The following UBE4B variants were observed in gnomAD, a reference collection of about 807,000 sequenced individuals.
The protein encoded by UBE4B is ubiquitin conjugation factor E4 B.
Under a neutral mutation model 148.1 loss-of-function variants are expected in UBE4B, and 27 were observed. That is an observed-to-expected ratio of 0.18 (90% CI 0.13 to 0.25). UBE4B has a LOEUF of 0.25. UBE4B is among the 10% of genes least tolerant of loss of function. The probability of loss-of-function intolerance (pLI) is 1.00; values close to 1 mark genes in which losing one functional copy is unlikely to be tolerated. For synonymous variants in UBE4B, 596 were observed against 619.3 expected, an observed-to-expected ratio of 0.96 and a Z score of 0.56; for missense variants, 1,170 against 1,662.4, an observed-to-expected ratio of 0.70 and a Z score of 5.15.
chr1:10,126,872 C>G lies in UBE4B; in HGVS notation c.1633C>G (p.Leu545Val). 6.2e-7 allele frequency: 1 copy of G among 1,613,410 alleles called. No individual in the cohort carries two copies. The highest frequency in any genetic ancestry group is 8.5e-7 in the Non-Finnish European group (1 of 1,179,362). The change falls in exon 11 of 28, where the codon CTC (leucine) becomes GTC (valine). Residue 545 changes from leucine (L) to valine (V), a missense_variant. Transcript: ENST00000343090. ...SLDSDYFKYP[L>V]MALGELCETK... ...CGACAGTGACTACTTTAAATACCCCCTCATGGTAAAACTTTGTTCTTTTTC... is the reference window on the plus strand; with the variant it reads ...CGACAGTGACTACTTTAAATACCCCGTCATGGTAAAACTTTGTTCTTTTTC...
At chr1:10,116,182 G>C (rs564024299) in intron 7 of UBE4B, among the ~76,000 whole-genome samples, 1 of 151,862 alleles carries the variant, frequency 6.6e-6, no homozygotes, top group Non-Finnish European at 1.5e-5. Context: ...TCTCTTTGTC[G>C]CCCAGGCAGG....
chr1:10,115,656 T>C (rs1008147051), intron 7 of UBE4B, among the ~76,000 whole-genome samples: 35 of 152,202 alleles, frequency 2.3e-4, no homozygotes, highest in Non-Finnish European at 4.6e-4. Context: ...ATGTGTCCTT[T>C]AACGAGAGGG....
intron 17 of UBE4B, among the ~76,000 whole-genome samples, chr1:10,138,171 C>G (rs1645725319): frequency 6.6e-6 from 1 of 150,952 alleles, no homozygotes; most frequent in African/African-American, 2.4e-5. Flanking sequence ...GATCTCGGCT[C>G]ACTGTAATCT....
At chr1:10,034,934 TAC>T (rs1232318415) in intron 1 of UBE4B, among the ~76,000 whole-genome samples, 3 of 152,218 alleles carry the variant, frequency 2.0e-5, no homozygotes, top group Non-Finnish European at 4.4e-5. Context: ...AAGAGAATAT[TAC>T]ACAGTTTCTT....
At chr1:10,087,212 A>C (rs1644780512) in intron 2 of UBE4B, among the ~76,000 whole-genome samples, 1 of 152,194 alleles carries the variant, frequency 6.6e-6, no homozygotes, top group Non-Finnish European at 1.5e-5. Context: ...TTACCAGAGC[A>C]TAGGTAAAAA....
chr1:10,056,058 GT>G (rs1454213253), intron 1 of UBE4B, among the ~76,000 whole-genome samples: 3 of 152,208 alleles, frequency 2.0e-5, no homozygotes. Flanking sequence ...CCCCTGGGAT[GT>G]TTTTGGTTAT....
intron 3 of UBE4B, chr1:10,100,749 T>TC (rs1001074506): frequency 5.3e-6 from 1 of 190,216 alleles, no homozygotes; most frequent in African/African-American, 2.4e-5. Flanking sequence ...AGATGGGGTT[T>TC]CTCCATGTTG....
intron 7 of UBE4B, among the ~76,000 whole-genome samples, chr1:10,110,183 C>G (rs546213650): frequency 1.3e-5 from 2 of 152,276 alleles, no homozygotes; most frequent in East Asian, 3.9e-4. Flanking sequence ...CATCTGCTGG[C>G]CCAGTGGATT....
At chr1:10,055,224 A>C (rs753597734) in intron 1 of UBE4B, among the ~76,000 whole-genome samples, 1 of 152,188 alleles carries the variant, frequency 6.6e-6, no homozygotes, top group African/African-American at 2.4e-5. Context: ...ATGAATGCCA[A>C]TTGGAACAAA....
At position 10,155,064 on chromosome 1, in the gene UBE4B, G is replaced by GGA. The variant is rs112077178; in HGVS notation, c.2927-3272_2927-3271dup. 6.2e-3 allele frequency among the ~76,000 whole-genome samples: 924 copies of GGA among 149,200 alleles called. 7 individuals carry two copies. Among genetic ancestry groups the GGA allele is most frequent in the East Asian group, 0.041 (209 of 5,078 alleles). ...TTCTGGGCCTGTCACTGTGGCTTCA[G>GGA]GAGAGAGAGAGAGAGAGAGAGTGTG... On this transcript the variant is annotated intron_variant, in intron 21 of 27. Coordinates refer to ENST00000343090, the MANE Select transcript of UBE4B (RefSeq NM_001105562.3).
intron 15 of UBE4B, among the ~76,000 whole-genome samples, chr1:10,133,646 C>T (rs1460790833): frequency 6.6e-6 from 1 of 151,974 alleles, no homozygotes; most frequent in Non-Finnish European, 1.5e-5. Flanking sequence ...CATGGTGGCT[C>T]ACGCCTGTAA....
intron 1 of UBE4B, among the ~76,000 whole-genome samples, chr1:10,057,734 A>G (rs80072425): frequency 2.3e-5 from 3 of 131,970 alleles, no homozygotes; most frequent in South Asian, 2.2e-4. Flanking sequence ...TGTCTCACAG[A>G]AAAAAAAAAA....
At chr1:10,051,735 C>G (rs1465905909) in intron 1 of UBE4B, among the ~76,000 whole-genome samples, 1 of 152,092 alleles carries the variant, frequency 6.6e-6, no homozygotes, top group African/African-American at 2.4e-5. Flanking sequence ...GAGAAATGTT[C>G]TGCATATCAG....
chr1:10,161,366 A>G lies in UBE4B; in HGVS notation c.3198+80A>G. ...ACGGGCAGAGCTGCTTTGGGGCTGC[A>G]TTTGTGGGTCTGATGATATGCGATC... On this transcript the variant is annotated intron_variant, in intron 23 of 27. Transcript: ENST00000343090. The surrounding 1 kb of genome is among the most constrained non-coding windows in gnomAD (Gnocchi z 4.1). The G allele has an allele frequency of 6.6e-7, 1 of 1,521,898 alleles. No homozygotes were observed. The highest frequency in any genetic ancestry group is 8.9e-7 in the Non-Finnish European group (1 of 1,123,162). The allele number at this position is 1,521,898 out of a possible 1,614,324, so 94.3% of individuals were successfully genotyped here.
chr1:10,104,603 A>T (rs1645076035), intron 5 of UBE4B, among the ~76,000 whole-genome samples: 1 of 152,186 alleles, frequency 6.6e-6, no homozygotes, highest in South Asian at 2.1e-4. Flanking sequence ...GATAGATAAG[A>T]CTATTTCTGA....
intron 2 of UBE4B, among the ~76,000 whole-genome samples, chr1:10,077,781 GA>G (rs1408541552): frequency 6.6e-6 from 1 of 151,904 alleles, no homozygotes; most frequent in African/African-American, 2.4e-5. Flanking sequence ...TCTAAAATTA[GA>G]AAAAAAGTTA....
At chr1:10,041,408 C>A (rs1185879797) in intron 1 of UBE4B, among the ~76,000 whole-genome samples, 1 of 150,030 alleles carries the variant, frequency 6.7e-6, no homozygotes, top group East Asian at 1.9e-4. Context: ...GATCTCGGCT[C>A]ACTGCAACCT....
intron 2 of UBE4B, among the ~76,000 whole-genome samples, chr1:10,084,461 G>C (rs1156382435): frequency 1.3e-5 from 2 of 151,832 alleles, no homozygotes; most frequent in Admixed American, 1.3e-4. Context: ...ACCCCAAAAG[G>C]CCTATAACCA....
chr1:10,074,144 C>T (rs1644539518), intron 2 of UBE4B, among the ~76,000 whole-genome samples: 1 of 151,960 alleles, frequency 6.6e-6, no homozygotes, highest in Non-Finnish European at 1.5e-5. Context: ...GCAGGCAGAA[C>T]CTAGGCAGGG....
Sources: allele counts gnomAD v4.1 joint callset (sites outside exome capture counted in the v4.1 genomes callset), GRCh38; gene constraint gnomAD v4.1.1; non-coding constraint Gnocchi (gnomAD v3.1); transcripts MANE v1.5; gene names NCBI Gene and HGNC (gene_info 2026-07-23, HGNC 2026-07-21).